Variants in MTOR observed in about 807,000 individuals in gnomAD.
MTOR encodes the protein mechanistic target of rapamycin kinase.
Under a neutral mutation model 319.8 loss-of-function variants are expected in MTOR, and 70 were observed. That is an observed-to-expected ratio of 0.22 (90% CI 0.18 to 0.27). The LOEUF is 0.27. Among genes scored for constraint, MTOR ranks in the 10% least tolerant of loss-of-function variants. MTOR has a pLI of 1.00. For missense variants in MTOR, 1,890 were observed against 3,274.4 expected (o/e 0.58, Z 10.32); for synonymous variants, 1,183 against 1,211.4 (o/e 0.98, Z 0.49).
At chr1:11,261,998 G>A (rs1190747593) in intron 1 of MTOR, among the ~76,000 whole-genome samples, 1 of 152,180 alleles carries the variant, frequency 6.6e-6, no homozygotes, top group Non-Finnish European at 1.5e-5. Flanking sequence ...CTGGGGGAGA[G>A]GGAGAGAAGA....
chr1:11,137,907 T>C (rs1643504929), intron 36 of MTOR, among the ~76,000 whole-genome samples: 1 of 152,236 alleles, frequency 6.6e-6, no homozygotes, highest in African/African-American at 2.4e-5. Flanking sequence ...AGTGAGTGTC[T>C]TGCTCAGTAG....
intron 13 of MTOR, among the ~76,000 whole-genome samples, chr1:11,237,086 AC>A (rs1170734535): frequency 6.6e-6 from 1 of 152,196 alleles, no homozygotes; most frequent in Non-Finnish European, 1.5e-5. Flanking sequence ...TTACTTCAAA[AC>A]AAACCATGAA....
intron 12 of MTOR, 52 bp downstream of exon 12, chr1:11,238,350 T>C (rs906921719): frequency 7.0e-6 from 11 of 1,580,616 alleles, no homozygotes; most frequent in Admixed American, 3.3e-5. Flanking sequence ...CTACTCCCAA[T>C]TGTCCTAAGC....
rs2100537344 is a variant in MTOR at position 11,150,223 on chromosome 1, A to T, written c.4473T>A (p.Gly1491=). The change falls in exon 31 of 58, where the codon GGT becomes GGA. Residue 1491 remains glycine, a synonymous_variant. Coordinates refer to ENST00000361445, the MANE Select transcript of MTOR (RefSeq NM_004958.4). ...MRCLEALGEW[G]QLHQQCCEKW... The stretch of plus-strand genomic sequence containing the variant: ...TTTCACAGCACTGCTGGTGGAGTTG[A>T]CCCCTGAAGAAAATGAATTATATAG... The T allele has an allele frequency of 6.2e-7, 1 of 1,612,932 alleles. No homozygotes were observed. The highest frequency in any genetic ancestry group is 8.5e-7 in the Non-Finnish European group (1 of 1,179,470).
In MTOR at chr1:11,161,672, G is replaced by A. The variant is rs1049476268; in HGVS notation, c.4330-4381C>T. The stretch of plus-strand genomic sequence containing the variant: ...CTCCACTGGTGATACCCAGGCAAAC[G>A]GGGTCTGGAGTGGACCTCCAGCAAA... On this transcript the variant is annotated intron_variant, in intron 29 of 57. Coordinates refer to ENST00000361445, the MANE Select transcript of MTOR (RefSeq NM_004958.4). Among the ~76,000 whole-genome samples the A allele has an allele frequency of 3.3e-5, 5 of 152,166 alleles. 1 individual carries two copies. Among genetic ancestry groups the A allele is most frequent in the African/African-American group, 7.2e-5 (3 of 41,430 alleles).
intron 13 of MTOR, among the ~76,000 whole-genome samples, chr1:11,235,252 C>G (rs1259317270): frequency 6.6e-6 from 1 of 152,188 alleles, no homozygotes; most frequent in Non-Finnish European, 1.5e-5. Context: ...CCCAGGTTCA[C>G]TTAGAGCCCG....
intron 29 of MTOR, among the ~76,000 whole-genome samples, chr1:11,161,797 C>G (rs1027590629): frequency 4.6e-5 from 7 of 152,186 alleles, no homozygotes; most frequent in African/African-American, 1.7e-4. Flanking sequence ...TCACCATCAT[C>G]AAAGACCAAA....
intron 30 of MTOR, among the ~76,000 whole-genome samples, chr1:11,152,147 C>A (rs1438377575): frequency 6.6e-6 from 1 of 152,156 alleles, no homozygotes; most frequent in Non-Finnish European, 1.5e-5. Flanking sequence ...AAAAATAATG[C>A]AGAATATACC....
rs1641627256 is a variant in MTOR, at chr1:11,107,352, G to A, written c.*133C>T. 6 of 1,536,990 alleles carry A rather than the reference G, an allele frequency of 3.9e-6. No homozygotes were observed. Among genetic ancestry groups the A allele is most frequent in the Non-Finnish European group, 5.2e-6 (6 of 1,149,014 alleles). On this transcript the variant is annotated 3_prime_UTR_variant, in exon 58 of 58. Coordinates refer to ENST00000361445, the MANE Select transcript of MTOR (RefSeq NM_004958.4). ...GGTTCAAACCAACTTTTAATATACA[G>A]TAGTTCTTTTCATTTACATTTCAAA...
In MTOR at chr1:11,129,853, A is replaced by G. The variant is rs1260076516; in HGVS notation, c.5614-15T>C. The G allele has an allele frequency of 1.2e-6, 2 of 1,609,472 alleles. No individual in the cohort carries two copies. Among genetic ancestry groups the G allele is most frequent in the Admixed American group, 3.3e-5 (2 of 59,990 alleles). ...TTGGACAGATCCTGTTGGAACACAC[A>G]CGTGTTAGCGACACTCTTGCCTCTG... is the stretch of plus-strand genomic sequence containing the variant. On this transcript the variant is annotated splice_polypyrimidine_tract_variant and intron_variant, in intron 39 of 57. Coordinates refer to ENST00000361445, the MANE Select transcript of MTOR (RefSeq NM_004958.4). The surrounding 1 kb of genome is among the most constrained non-coding windows in gnomAD (Gnocchi z 4.7).
At chr1:11,118,460 CT>C (rs1212275456) in intron 49 of MTOR, among the ~76,000 whole-genome samples, 2 of 151,660 alleles carry the variant, frequency 1.3e-5, no homozygotes, top group Non-Finnish European at 2.9e-5. Flanking sequence ...TGGTCTTGAA[CT>C]CCTGACCTCG....
chr1:11,186,940 T>A (rs979224537), intron 28 of MTOR, among the ~76,000 whole-genome samples: 3 of 152,194 alleles, frequency 2.0e-5, no homozygotes, highest in Non-Finnish European at 4.4e-5. Flanking sequence ...ATGTTAGAAA[T>A]AAGTTTCCAG....
At chr1:11,145,856 G>C (rs978726344) in intron 32 of MTOR, among the ~76,000 whole-genome samples, 2 of 152,152 alleles carry the variant, frequency 1.3e-5, no homozygotes, top group African/African-American at 2.4e-5. Context: ...TATGAAAATA[G>C]ATTCTGCACA....
chr1:11,255,522 C>T (rs927952101), intron 5 of MTOR, among the ~76,000 whole-genome samples: 16 of 151,468 alleles, frequency 1.1e-4, no homozygotes, highest in Admixed American at 8.5e-4. Context: ...TAATAAAATG[C>T]AATAAAGTAA....
rs1641750245 is a variant in MTOR at position 11,109,555 on chromosome 1, T to C, written c.7447+94A>G. The C allele has an allele frequency of 7.4e-7, 1 of 1,345,718 alleles. No homozygotes were observed. The highest frequency in any genetic ancestry group is 1.2e-5 in the South Asian group (1 of 83,072). The allele number at this position is 1,345,718 out of a possible 1,614,324, so 83.4% of individuals were successfully genotyped here. ...CTTTTCTGCTCAAAGGCAGTTTTGT[T>C]GCTTCATCTTGTTGACCCCTCTCAG... On this transcript the variant is annotated intron_variant, in intron 55 of 57. Coordinates refer to ENST00000361445, the MANE Select transcript of MTOR (RefSeq NM_004958.4). The surrounding 1 kb of genome is among the most constrained non-coding windows in gnomAD (Gnocchi z 4.0).
intron 28 of MTOR, among the ~76,000 whole-genome samples, chr1:11,174,462 C>A (rs539700764): frequency 6.6e-6 from 1 of 152,182 alleles, no homozygotes; most frequent in Non-Finnish European, 1.5e-5. Flanking sequence ...CAGCCTTCCA[C>A]GTGACAAGTC....
rs982418654 is a variant in MTOR at position 11,207,336 on chromosome 1, G to A, written c.3801+1976C>T. On this transcript the variant is annotated intron_variant, in intron 25 of 57. Transcript: ENST00000361445. ...CAGCTGGTCTTGAACTCCTGGGCTC[G>A]AGTAATCCTCCCGCCTGGCTTCCCA... is the stretch of plus-strand genomic sequence containing the variant. 2.0e-5 allele frequency among the ~76,000 whole-genome samples: 3 copies of A among 151,530 alleles called. No individual in the cohort carries two copies. The East Asian group carries it at 5.8e-4, about 29-fold the overall frequency.
chr1:11,243,321 G>C, intron 8 of MTOR, 21 bp from the exon 9 acceptor site: 1 of 1,610,802 alleles, frequency 6.2e-7, no homozygotes, highest in Non-Finnish European at 8.5e-7. Context: ...AAAAGACAAA[G>C]TAGATAGCTC....
chr1:11,221,243 C>T (rs1646650311), intron 19 of MTOR, among the ~76,000 whole-genome samples: 1 of 152,068 alleles, frequency 6.6e-6, no homozygotes, highest in Non-Finnish European at 1.5e-5. Context: ...GATCCACCTG[C>T]CTCGGCCTCC....
Sources: gnomAD v4.1 joint callset for allele counts (sites outside exome capture counted in the v4.1 genomes callset) on GRCh38, gnomAD v4.1.1 for gene constraint, Gnocchi (gnomAD v3.1) non-coding constraint, MANE v1.5 for transcripts, NCBI Gene and HGNC (gene_info 2026-07-23, HGNC 2026-07-21) for gene names.